Variants in TUBGCP3 observed in about 807,000 individuals in gnomAD.
TUBGCP3 encodes gamma-tubulin complex component 3.
Under a neutral mutation model 123.1 loss-of-function variants are expected in TUBGCP3, and 50 were observed. The observed-to-expected ratio is 0.41, with a 90% CI of 0.32 to 0.51. TUBGCP3 has a LOEUF of 0.51. Ranked by LOEUF, TUBGCP3 falls within the 20% of genes least tolerant of loss-of-function variation. The pLI, the probability that TUBGCP3 is intolerant of heterozygous loss-of-function variation, is 0.36. For synonymous variants in TUBGCP3, 405 were observed against 413.9 expected, an observed-to-expected ratio of 0.98 and a Z score of 0.26; for missense variants, 882 against 1,127.0, an observed-to-expected ratio of 0.78 and a Z score of 3.11.
chr13:112,514,288 T>A (rs1428708086), intron 17 of TUBGCP3, among the ~76,000 whole-genome samples: 3 of 19,126 alleles, frequency 1.6e-4, no homozygotes, highest in African/African-American at 2.2e-4. Flanking sequence ...CAGGCATCCA[T>A]GGGGTGGGGG....
intron 21 of TUBGCP3, among the ~76,000 whole-genome samples, chr13:112,489,004 A>G (rs1879880699): frequency 8.4e-6 from 1 of 119,496 alleles, no homozygotes; most frequent in African/African-American, 3.3e-5. Flanking sequence ...CACACCCACC[A>G]CAGTGGAGCA....
At position 112,564,637 on chromosome 13, in the gene TUBGCP3, G is replaced by A. The variant is rs189593558; in HGVS notation, c.252+474C>T. Among the ~76,000 whole-genome samples, 1,400 of 152,028 alleles carry A rather than the reference G, an allele frequency of 9.2e-3. 11 individuals carry two copies. The highest frequency in any genetic ancestry group is 0.025 in the Admixed American group (383 of 15,284). The stretch of plus-strand genomic sequence containing the variant: ...TTGAGACCAGCCTGGGGAACACAGC[G>A]AAGCTGCGTCTCAAAAGAAAAAAAA... On this transcript the variant is annotated intron_variant, in intron 3 of 21. Transcript: ENST00000261965.
At chr13:112,592,359 G>T (rs951378410), upstream of TUBGCP3, among the ~76,000 whole-genome samples, 2 of 152,184 alleles carry the variant, frequency 1.3e-5, no homozygotes, top group African/African-American at 4.8e-5. The surrounding 1 kb of genome is among the most constrained non-coding windows in gnomAD (Gnocchi z 4.1). Context: ...GGTGGTGGGT[G>T]GGTCAAAGGC....
At chr13:112,571,509 G>A (rs931329287) in intron 1 of TUBGCP3, among the ~76,000 whole-genome samples, 5 of 152,186 alleles carry the variant, frequency 3.3e-5, no homozygotes, top group Admixed American at 3.3e-4. Flanking sequence ...AGTAGATTTA[G>A]CATAACTCCT....
At chr13:112,502,851 T>G (rs2138996060) in intron 19 of TUBGCP3, among the ~76,000 whole-genome samples, 1 of 152,154 alleles carries the variant, frequency 6.6e-6, no homozygotes, top group African/African-American at 2.4e-5. Context: ...GGCCTGTATA[T>G]TTCTTTAATT....
chr13:112,525,888 A>G (rs766031517), intron 13 of TUBGCP3, among the ~76,000 whole-genome samples: 4 of 152,240 alleles, frequency 2.6e-5, no homozygotes, highest in Non-Finnish European at 4.4e-5. Flanking sequence ...CACTTACTGT[A>G]TAACTGTATA....
intron 20 of TUBGCP3, among the ~76,000 whole-genome samples, chr13:112,498,023 T>C (rs886161633): frequency 9.9e-5 from 15 of 152,148 alleles, no homozygotes; most frequent in African/African-American, 3.6e-4. Flanking sequence ...TTCATGTACA[T>C]ATACATGTAC....
At chr13:112,517,620 C>G (rs1204093234) in intron 16 of TUBGCP3, among the ~76,000 whole-genome samples, 4 of 152,148 alleles carry the variant, frequency 2.6e-5, no homozygotes, top group African/African-American at 9.7e-5. Flanking sequence ...AGGCCGGGCA[C>G]GGTGGCTCAT....
intron 1 of TUBGCP3, among the ~76,000 whole-genome samples, chr13:112,578,524 A>AT (rs1882023799): frequency 8.0e-6 from 1 of 125,308 alleles, no homozygotes; most frequent in Admixed American, 9.3e-5. Context: ...GCGCCACTGC[A>AT]GTCCAGCTTG....
chr13:112,493,379 G>C (rs1880268366), intron 20 of TUBGCP3, among the ~76,000 whole-genome samples: 1 of 148,798 alleles, frequency 6.7e-6, no homozygotes, highest in Admixed American at 6.7e-5. Flanking sequence ...GTGTCCCTGA[G>C]ACGCTCTGGC....
At position 112,516,551 on chromosome 13, in the gene TUBGCP3, G is replaced by A; in HGVS notation, c.1975C>T (p.His659Tyr). ...AGGAAGTTAAATACTCTTAGGTAGTGGCTCATACATTCTCGAGTAAACACC... is the reference window on the plus strand; with the variant it reads ...AGGAAGTTAAATACTCTTAGGTAGTAGCTCATACATTCTCGAGTAAACACC... The part of the protein sequence containing the change: ...ATVFTRECMS[H>Y]YLRVFNFLWR... Residue 659 changes from histidine (H) to tyrosine (Y), a missense_variant, in exon 17 of 22, where the codon CAC (histidine) becomes TAC (tyrosine). Physicochemically the swap from His to Tyr is moderately conservative, Grantham distance 83. Coordinates refer to ENST00000261965, the MANE Select transcript of TUBGCP3 (RefSeq NM_006322.6). The A allele has an allele frequency of 6.2e-7, 1 of 1,613,780 alleles. No homozygotes were observed. Among genetic ancestry groups the A allele is most frequent in the Non-Finnish European group, 8.5e-7 (1 of 1,179,900 alleles).
chr13:112,578,670 T>C (rs1360278694), intron 1 of TUBGCP3, among the ~76,000 whole-genome samples: 2 of 151,488 alleles, frequency 1.3e-5, no homozygotes, highest in Non-Finnish European at 2.9e-5. Flanking sequence ...CAACGCGACC[T>C]TTCGACCCCC....
intron 3 of TUBGCP3, among the ~76,000 whole-genome samples, chr13:112,562,932 G>A (rs745921338): frequency 5.1e-4 from 77 of 152,142 alleles, no homozygotes; most frequent in Admixed American, 1.2e-3. Context: ...CAGAACACCC[G>A]TCATCAACAG....
chr13:112,498,987 G>A (rs1340286839), intron 20 of TUBGCP3, 58 bp downstream of exon 20: 9 of 1,614,182 alleles, frequency 5.6e-6, no homozygotes, highest in Non-Finnish European at 7.6e-6. Context: ...TGAGATTATC[G>A]TGTGTGGCAA....
chr13:112,542,216 T>C (rs961559831), intron 11 of TUBGCP3, among the ~76,000 whole-genome samples: 5 of 152,236 alleles, frequency 3.3e-5, no homozygotes, highest in African/African-American at 1.2e-4. Context: ...TAGACTCCCA[T>C]AAACTAATTA....
chr13:112,563,874 C>CAA (rs35674942), intron 3 of TUBGCP3, among the ~76,000 whole-genome samples: 11 of 116,496 alleles, frequency 9.4e-5, no homozygotes, highest in Non-Finnish European at 9.0e-5. Flanking sequence ...GACTTCGCCT[C>CAA]AAAAAAAAAA....
At chr13:112,543,029 A>T (rs1878657126) in intron 11 of TUBGCP3, among the ~76,000 whole-genome samples, 1 of 152,206 alleles carries the variant, frequency 6.6e-6, no homozygotes, top group African/African-American at 2.4e-5. Context: ...GTGCGCCTGT[A>T]GTTCCAGCTA....
chr13:112,570,838 T>C (rs1164791909), intron 1 of TUBGCP3, among the ~76,000 whole-genome samples: 2 of 152,258 alleles, frequency 1.3e-5, no homozygotes, highest in East Asian at 1.9e-4. Flanking sequence ...ACTAAGTTTA[T>C]GTAATATTCT....
At chr13:112,587,752 C>T (rs942944187) in intron 1 of TUBGCP3, among the ~76,000 whole-genome samples, 153 bp downstream of exon 1, 5 of 152,182 alleles carry the variant, frequency 3.3e-5, no homozygotes, top group Admixed American at 2.0e-4. Flanking sequence ...CCCTCCGCTC[C>T]CTCGTCCGGG....
Sources: gnomAD v4.1 joint callset for allele counts (sites outside exome capture counted in the v4.1 genomes callset) on GRCh38, gnomAD v4.1.1 for gene constraint, Gnocchi (gnomAD v3.1) non-coding constraint, MANE v1.5 for transcripts, NCBI Gene and HGNC (gene_info 2026-07-23, HGNC 2026-07-21) for gene names.